Variants in GPR158 observed in about 807,000 individuals in gnomAD.
The protein encoded by GPR158 is G protein-coupled receptor 158, also known as metabotropic glycine receptor.
A neutral mutation model predicts 78.2 loss-of-function variants in GPR158; 30 were observed. The ratio of observed to expected loss-of-function variants is 0.38; its 90% CI spans 0.29 to 0.52. The LOEUF (loss-of-function observed/expected upper bound fraction) is 0.52, where lower values mean the gene tolerates loss of function less well. GPR158 is among the 20% of genes least tolerant of loss of function. GPR158 has a pLI of 0.83. For synonymous variants in GPR158, 581 were observed against 591.1 expected, an observed-to-expected ratio of 0.98 and a Z score of 0.25; for missense variants, 1,463 against 1,523.5, an observed-to-expected ratio of 0.96 and a Z score of 0.66.
chr10:25,583,997 C>T (rs116790397), intron 7 of GPR158, among the ~76,000 whole-genome samples: 49 of 152,208 alleles, frequency 3.2e-4, no homozygotes, highest in African/African-American at 1.2e-3. Context: ...CCTTGCTTGG[C>T]CCAGCCGTTT....
At chr10:25,477,579 C>A (rs939165052) in intron 5 of GPR158, among the ~76,000 whole-genome samples, 36 of 152,042 alleles carry the variant, frequency 2.4e-4, no homozygotes, top group African/African-American at 8.5e-4. Context: ...ACAGAAAGTT[C>A]CCCCAACTTT....
intron 4 of GPR158, among the ~76,000 whole-genome samples, chr10:25,423,077 A>G (rs1834773167): frequency 6.8e-6 from 1 of 146,802 alleles, no homozygotes. Flanking sequence ...GTCTGTGTGT[A>G]TATATATGTA....
intron 10 of GPR158, 133 bp downstream of exon 10, chr10:25,596,922 AT>A (rs1325388031): frequency 1.4e-6 from 1 of 726,468 alleles, no homozygotes; most frequent in African/African-American, 1.8e-5. Context: ...GAAAGAGGGA[AT>A]GTGTTTGGGT....
chr10:25,309,882 A>C (rs1269769706), intron 2 of GPR158, among the ~76,000 whole-genome samples: 1 of 152,120 alleles, frequency 6.6e-6, no homozygotes, highest in Non-Finnish European at 1.5e-5. Context: ...CTGTGAGTCT[A>C]TTACACTTCT....
At chr10:25,440,186 G>A (rs542301691) in intron 4 of GPR158, among the ~76,000 whole-genome samples, 5 of 152,178 alleles carry the variant, frequency 3.3e-5, no homozygotes, top group Middle Eastern at 3.4e-3. Context: ...TACCTCTCTC[G>A]TCTCTCTTAC....
At chr10:25,586,969 T>A (rs1837278316) in intron 7 of GPR158, among the ~76,000 whole-genome samples, 1 of 152,228 alleles carries the variant, frequency 6.6e-6, no homozygotes, top group Admixed American at 6.5e-5. Context: ...TCAGGTACTA[T>A]AGCCAAGGAG....
At chr10:25,490,876 A>G (rs1329040950) in intron 5 of GPR158, among the ~76,000 whole-genome samples, 1 of 152,166 alleles carries the variant, frequency 6.6e-6, no homozygotes, top group African/African-American at 2.4e-5. Context: ...CAGTGTGTAT[A>G]CACAAAATAA....
chr10:25,243,495 A>G (rs1853651940), intron 2 of GPR158, among the ~76,000 whole-genome samples: 1 of 152,206 alleles, frequency 6.6e-6, no homozygotes, highest in African/African-American at 2.4e-5. Flanking sequence ...AAAAGAGTCT[A>G]TTAAAGTTAG....
intron 1 of GPR158, among the ~76,000 whole-genome samples, chr10:25,209,144 C>T (rs1056176733): frequency 5.9e-5 from 9 of 152,262 alleles, no homozygotes; most frequent in South Asian, 2.1e-4. Flanking sequence ...TGAGCCACTG[C>T]GCCCAGCCAC....
chr10:25,300,781 G>A (rs961027), intron 2 of GPR158, among the ~76,000 whole-genome samples: 117,455 of 151,954 alleles, frequency 0.77, 46,253 homozygotes, highest in African/African-American at 0.84. Context: ...ATCACCAGGT[G>A]ACCCCCTGTG....
chr10:25,292,500 T>C (rs1854453590), intron 2 of GPR158, among the ~76,000 whole-genome samples: 1 of 148,286 alleles, frequency 6.7e-6, no homozygotes, highest in South Asian at 2.2e-4. Flanking sequence ...TGCTGTTCAA[T>C]GCAACCTTCC....
chr10:25,268,231 G>C (rs1854069130), intron 2 of GPR158, among the ~76,000 whole-genome samples: 1 of 152,218 alleles, frequency 6.6e-6, no homozygotes, highest in South Asian at 2.1e-4. Context: ...AGGATGAGGG[G>C]TAAACTGTTT....
chr10:25,438,390 C>CT (rs1835025968), intron 4 of GPR158, among the ~76,000 whole-genome samples: 1 of 152,190 alleles, frequency 6.6e-6, no homozygotes, highest in Admixed American at 6.5e-5. Context: ...GTTATGTTAA[C>CT]TGAATGGTTA....
chr10:25,331,879 A>T (rs1250853223), intron 2 of GPR158, among the ~76,000 whole-genome samples: 2 of 152,034 alleles, frequency 1.3e-5, no homozygotes, highest in African/African-American at 4.8e-5. Flanking sequence ...ATAAAGTAAG[A>T]CTGGTAATGA....
chr10:25,410,484 C>T (rs886961833), intron 3 of GPR158, among the ~76,000 whole-genome samples: 7 of 152,020 alleles, frequency 4.6e-5, no homozygotes, highest in Admixed American at 1.3e-4. Flanking sequence ...GGCGTGGTGG[C>T]GCGTGTCTGT....
At chr10:25,412,555 A>G (rs1251056773) in intron 4 of GPR158, 82 bp downstream of exon 4, 22 of 919,434 alleles carry the variant, frequency 2.4e-5, no homozygotes, top group Non-Finnish European at 3.9e-5. Flanking sequence ...TTCCAATTCA[A>G]GTTGCTTCCC....
At chr10:25,442,474 C>T (rs1835081339) in intron 4 of GPR158, among the ~76,000 whole-genome samples, 1 of 152,094 alleles carries the variant, frequency 6.6e-6, no homozygotes, top group South Asian at 2.1e-4. Flanking sequence ...CTCCCATTAT[C>T]TCTGTCTGGG....
At chr10:25,309,410 C>T (rs1854731344) in intron 2 of GPR158, among the ~76,000 whole-genome samples, 1 of 151,388 alleles carries the variant, frequency 6.6e-6, no homozygotes, top group South Asian at 2.1e-4. Context: ...GTTTTTTTTC[C>T]ATTGTTATTG....
chr10:25,198,129 A>C (rs1852868314), intron 1 of GPR158, among the ~76,000 whole-genome samples: 1 of 152,244 alleles, frequency 6.6e-6, no homozygotes, highest in Non-Finnish European at 1.5e-5. Context: ...AACCTGCAGA[A>C]GCCCCAAAAC....
Sources: gnomAD v4.1 joint callset for allele counts (sites outside exome capture counted in the v4.1 genomes callset) on GRCh38, gnomAD v4.1.1 for gene constraint, MANE v1.5 for transcripts, NCBI Gene and HGNC (gene_info 2026-07-23, HGNC 2026-07-21) for gene names.